Variants in SMG6 observed in about 807,000 individuals in gnomAD.
SMG6 encodes SMG6 nonsense mediated mRNA decay factor, also known as telomerase-binding protein EST1A.
SMG6 carries 66 observed loss-of-function variants against 142.2 expected under a neutral mutation model. That is an observed-to-expected ratio of 0.46 (90% CI 0.38 to 0.57). The LOEUF (loss-of-function observed/expected upper bound fraction) is 0.57. SMG6 is among the 20% of genes least tolerant of loss of function. The pLI is 0.00. For synonymous variants in SMG6, 779 were observed against 702.4 expected, an observed-to-expected ratio of 1.11 and a Z score of -1.72; for missense variants, 1,793 against 1,832.0, an observed-to-expected ratio of 0.98 and a Z score of 0.39.
At chr17:2,207,469 C>T (rs1291587642) in intron 10 of SMG6, among the ~76,000 whole-genome samples, 1 of 152,046 alleles carries the variant, frequency 6.6e-6, no homozygotes, top group Non-Finnish European at 1.5e-5. Flanking sequence ...TGCAAAAATG[C>T]TTTACAGCTG....
intron 10 of SMG6, among the ~76,000 whole-genome samples, chr17:2,230,991 T>C (rs1237602550): frequency 6.6e-6 from 1 of 151,958 alleles, no homozygotes; most frequent in East Asian, 1.9e-4. Flanking sequence ...CCACCAGAGA[T>C]GTAGGAGGAG....
chr17:2,060,320 CCT>C lies in SMG6; in HGVS notation c.*1170_*1171del, dbSNP rs1439622390. The C allele has an allele frequency of 1.3e-5, 2 of 152,262 alleles. No homozygotes were observed. Among genetic ancestry groups the C allele is most frequent in the South Asian group, 2.1e-4 (1 of 4,830 alleles). The allele number at this position is 152,262 out of a possible 1,614,324, so 9.4% of individuals were successfully genotyped here. A position where few individuals can be genotyped will look rare whatever the true frequency, so the allele number is the denominator to read the frequency against. ...CAGCTAAAGGGGCAAGGAAAGGGCC[CCT>C]GTGTCAGTGTCAGTTTTTCCGGGGA... is the stretch of plus-strand genomic sequence containing the variant. On this transcript the variant is annotated 3_prime_UTR_variant, in exon 19 of 19. Transcript: ENST00000263073.
intron 13 of SMG6, among the ~76,000 whole-genome samples, chr17:2,132,274 C>A (rs1597443276): frequency 6.6e-6 from 1 of 152,190 alleles, no homozygotes; most frequent in East Asian, 1.9e-4. Context: ...TCATTCACCA[C>A]AAAATCCCTA....
chr17:2,258,034 A>AAT (rs2074228829), intron 8 of SMG6, among the ~76,000 whole-genome samples: 1 of 108,210 alleles, frequency 9.2e-6, no homozygotes, highest in Non-Finnish European at 1.9e-5. Flanking sequence ...AAAAAAAAAA[A>AAT]ATATACACAC....
In SMG6 at chr17:2,081,609, A is replaced by G. The variant is rs546088771; in HGVS notation, c.3681+201T>C. The stretch of plus-strand genomic sequence containing the variant: ...TGAGAAGACCGTACCCCTGCCTTGG[A>G]GCCCAGGATGAGGGAGACTCTAGGC... On this transcript the variant is annotated intron_variant, in intron 15 of 18. Coordinates refer to ENST00000263073, the MANE Select transcript of SMG6 (RefSeq NM_017575.5). Among the ~76,000 whole-genome samples, 5 of 152,236 alleles carry G rather than the reference A, an allele frequency of 3.3e-5. No homozygotes were observed. In the East Asian group the frequency reaches 9.7e-4, roughly 29 times the overall value.
At chr17:2,220,992 AATATGAT>A (rs2073154525) in intron 10 of SMG6, among the ~76,000 whole-genome samples, 1 of 152,238 alleles carries the variant, frequency 6.6e-6, no homozygotes. Context: ...TGAATGTAAA[AATATGAT>A]ATATGAGTAG....
At chr17:2,258,847 G>T (rs2074251850) in intron 8 of SMG6, among the ~76,000 whole-genome samples, 1 of 149,608 alleles carries the variant, frequency 6.7e-6, no homozygotes, top group Non-Finnish European at 1.5e-5. Context: ...TGCAATTCCA[G>T]CATGTTGGGG....
intron 13 of SMG6, chr17:2,087,632 A>T (rs2068600860): frequency 9.0e-6 from 9 of 996,906 alleles, no homozygotes; most frequent in Non-Finnish European, 1.1e-5. Flanking sequence ...GTGAAGGAGA[A>T]GGGAAGCTTG....
At chr17:2,303,350 G>C in intron 1 of SMG6, 1 of 1,193,076 alleles carries the variant, frequency 8.4e-7, no homozygotes, top group Non-Finnish European at 1.0e-6. Context: ...GCGGGTCTGA[G>C]AGGGCTGGGG....
chr17:2,118,812 T>C (rs2069589052), intron 13 of SMG6, among the ~76,000 whole-genome samples: 1 of 151,960 alleles, frequency 6.6e-6, no homozygotes. Context: ...TGGTCTCGAA[T>C]TCCTGGACTG....
rs573369486 is a variant in SMG6 at position 2,196,005 on chromosome 17, T to C, written c.2870-7490A>G. Among the ~76,000 whole-genome samples the C allele has an allele frequency of 2.7e-4, 41 of 152,252 alleles. No individual in the cohort carries two copies. The South Asian group carries it at 8.3e-3, about 31-fold the overall frequency. ...AAAGAGCTCAGAGATGATGACTGTG[T>C]GGAAGCCAAAATGAAAAACATGCCA... On this transcript the variant is annotated intron_variant, in intron 10 of 18. Transcript: ENST00000263073.
At chr17:2,248,350 C>A (rs1458000837) in intron 8 of SMG6, among the ~76,000 whole-genome samples, 1 of 152,102 alleles carries the variant, frequency 6.6e-6, no homozygotes, top group Non-Finnish European at 1.5e-5. Flanking sequence ...ACTAAGAAGC[C>A]GTTCAAGTTT....
At chr17:2,200,993 G>A (rs2072504585) in intron 10 of SMG6, among the ~76,000 whole-genome samples, 1 of 152,146 alleles carries the variant, frequency 6.6e-6, no homozygotes, top group African/African-American at 2.4e-5. Flanking sequence ...CTTTGCCAAT[G>A]TATCTGTAAT....
At chr17:2,111,490 C>CA (rs1281411437) in intron 13 of SMG6, among the ~76,000 whole-genome samples, 4 of 152,134 alleles carry the variant, frequency 2.6e-5, no homozygotes, top group Non-Finnish European at 4.4e-5. Flanking sequence ...TAGCTCACTG[C>CA]AGCCTCGACC....
chr17:2,151,086 C>T (rs1476897861), intron 13 of SMG6, among the ~76,000 whole-genome samples: 1 of 152,204 alleles, frequency 6.6e-6, no homozygotes, highest in Non-Finnish European at 1.5e-5. Flanking sequence ...TAAGCTGGCA[C>T]AGCACCAGCT....
At chr17:2,162,854 A>T (rs1418875079) in intron 13 of SMG6, among the ~76,000 whole-genome samples, 1 of 151,942 alleles carries the variant, frequency 6.6e-6, no homozygotes, top group Non-Finnish European at 1.5e-5. Flanking sequence ...TTTTTTGAGA[A>T]AGGGTCTCCC....
chr17:2,076,033 C>T (rs1034133317), intron 15 of SMG6, among the ~76,000 whole-genome samples: 2 of 152,212 alleles, frequency 1.3e-5, no homozygotes, highest in Admixed American at 1.3e-4. Context: ...AGAGCTTAGG[C>T]GGCCCAGGGG....
intron 13 of SMG6, among the ~76,000 whole-genome samples, chr17:2,160,134 C>T (rs1363243680): frequency 2.0e-5 from 3 of 151,012 alleles, no homozygotes; most frequent in Non-Finnish European, 4.4e-5. Flanking sequence ...ATATATACAC[C>T]CATACATTCA....
intron 6 of SMG6, among the ~76,000 whole-genome samples, chr17:2,285,775 G>C (rs1410665269): frequency 6.6e-6 from 1 of 152,146 alleles, no homozygotes; most frequent in Non-Finnish European, 1.5e-5. Flanking sequence ...CCGGATTTGA[G>C]CAATTCTCCC....
Sources: gnomAD v4.1 joint callset for allele counts (sites outside exome capture counted in the v4.1 genomes callset) on GRCh38, gnomAD v4.1.1 for gene constraint, MANE v1.5 for transcripts, NCBI Gene and HGNC (gene_info 2026-07-23, HGNC 2026-07-21) for gene names.